ZNF141: variants seen among roughly 807,000 people sequenced by gnomAD.
ZNF141 encodes the protein zinc finger protein 141 (clone pHZ-44).
In ZNF141, 7 loss-of-function variants were observed where a neutral mutation model predicts 11.3. The ratio of observed to expected loss-of-function variants is 0.62; its 90% confidence interval spans 0.35 to 1.16. The LOEUF is 1.16. Ranked by LOEUF, ZNF141 falls within the 50% of genes most tolerant of loss-of-function variation. The probability of loss-of-function intolerance (pLI) is 0.02; values close to 1 mark genes in which losing one functional copy is unlikely to be tolerated. For synonymous variants in ZNF141, 183 were observed against 190.7 expected (o/e 0.96, Z 0.33); for missense variants, 535 against 554.0 (o/e 0.97, Z 0.34).
intron 3 of ZNF141, chr4:350,108 A>G (rs781790104): frequency 1.9e-6 from 1 of 532,576 alleles, no homozygotes; most frequent in East Asian, 5.5e-5. Flanking sequence ...CCACGTCTGG[A>G]CTGTAGCTGA....
chr4:344,465 A>C, intron 3 of ZNF141, 35 bp downstream of exon 3: 2 of 1,560,894 alleles, frequency 1.3e-6, no homozygotes, highest in Non-Finnish European at 1.7e-6. Flanking sequence ...GGGCACAGGC[A>C]AGGGGACCAA....
At chr4:358,012 C>A (rs1721927918) in intron 3 of ZNF141, among the ~76,000 whole-genome samples, 1 of 151,812 alleles carries the variant, frequency 6.6e-6, no homozygotes, top group African/African-American at 2.4e-5. Context: ...AGCCACCATG[C>A]CTGGCCTCAT....
At chr4:358,712 A>G (rs909807618) in intron 3 of ZNF141, among the ~76,000 whole-genome samples, 2 of 150,592 alleles carry the variant, frequency 1.3e-5, no homozygotes, top group South Asian at 2.1e-4. Flanking sequence ...CAAGTAGCTA[A>G]GATTACAGGA....
At chr4:367,399 A>G (rs567323643) in intron 3 of ZNF141, among the ~76,000 whole-genome samples, 5 of 152,258 alleles carry the variant, frequency 3.3e-5, no homozygotes, top group East Asian at 1.9e-4. Context: ...TTGTAAATCT[A>G]TATTTGTGTG....
At chr4:352,244 G>A (rs1289734258) in intron 3 of ZNF141, among the ~76,000 whole-genome samples, 4 of 152,062 alleles carry the variant, frequency 2.6e-5, no homozygotes, top group Admixed American at 6.6e-5. Context: ...AAAATTAGCC[G>A]GGCGTGGTGG....
At chr4:354,984 T>G (rs1721776402) in intron 3 of ZNF141, among the ~76,000 whole-genome samples, 1 of 152,068 alleles carries the variant, frequency 6.6e-6, no homozygotes, top group Non-Finnish European at 1.5e-5. Context: ...GAGTGTTCCA[T>G]GTGTGTTTGA....
chr4:371,514 G>A (rs971413559), intron 3 of ZNF141, among the ~76,000 whole-genome samples: 2 of 150,644 alleles, frequency 1.3e-5, no homozygotes, highest in Non-Finnish European at 2.9e-5. Flanking sequence ...ACAGGCATGA[G>A]CCACCATGCC....
Position 369,752 on chromosome 4 carries a change from A to G in ZNF141, c.227-2912A>G, listed in dbSNP as rs1398341094. 2.2e-4 allele frequency among the ~76,000 whole-genome samples: 8 copies of G among 36,666 alleles called. No homozygotes were observed. The East Asian group carries it at 4.1e-3, about 19-fold the overall frequency. The allele number at this position is 36,666 out of a possible 152,430, so 24.1% of individuals were successfully genotyped here. On this transcript the variant is annotated intron_variant, in intron 3 of 3. Transcript: ENST00000240499. ...TTCTTAAAGAGATATATATATATAT[A>G]TATATATATATATTTTTTTTTTTTT... is the stretch of plus-strand genomic sequence containing the variant.
In ZNF141 at chr4:376,802, T is replaced by C. The variant is rs1231050960; in HGVS notation, c.*2940T>C. Among the ~76,000 whole-genome samples the C allele has an allele frequency of 6.6e-6, 1 of 152,110 alleles. No individual in the cohort carries two copies. Among genetic ancestry groups the C allele is most frequent in the East Asian group, 1.9e-4 (1 of 5,198 alleles). ...TACCATGGATAATTTACTGGAAATC[T>C]AGAAGCCTGAAACATTCTATATTTT... On this transcript the variant is annotated 3_prime_UTR_variant, in exon 4 of 4. Transcript: ENST00000240499.
chr4:344,475 A>G, intron 3 of ZNF141, 45 bp downstream of exon 3: 1 of 1,531,716 alleles, frequency 6.5e-7, no homozygotes, highest in South Asian at 1.1e-5. Flanking sequence ...AAGGGGACCA[A>G]AGGTCAAGAA....
In ZNF141 at chr4:381,308, T is replaced by C. The variant is rs114997160; in HGVS notation, c.*7446T>C. ...AACTTTAAATTTATCTCTAGGAACC[T>C]CAGCCGAGCAGTCAGAACTCACAGC... On this transcript the variant is annotated 3_prime_UTR_variant, in exon 4 of 4. Transcript: ENST00000240499. Among the ~76,000 whole-genome samples, 1,989 of 151,106 alleles carry C rather than the reference T, an allele frequency of 0.013. 15 individuals carry two copies. The highest frequency in any genetic ancestry group is 0.021 in the Non-Finnish European group (1,403 of 67,806).
chr4:343,238 T>C (rs1688581037), intron 1 of ZNF141, among the ~76,000 whole-genome samples: 1 of 152,078 alleles, frequency 6.6e-6, no homozygotes, highest in African/African-American at 2.4e-5. Flanking sequence ...TTGATTTTGG[T>C]AGGGGAAGGT....
At chr4:366,080 A>G (rs757242294) in intron 3 of ZNF141, among the ~76,000 whole-genome samples, 1 of 151,952 alleles carries the variant, frequency 6.6e-6, no homozygotes, top group Non-Finnish European at 1.5e-5. Context: ...CTCCAGCTTG[A>G]TTCTTTTTGC....
At position 373,852 on chromosome 4, in the gene ZNF141, T is replaced by C. The variant is rs1712221499; in HGVS notation, c.1415T>C (p.Ile472Thr). Reference sequence around the variant, plus strand: ...TCACACCTGAATAAACATAAGAAAATTCATACTTGAGAGAAATCCTACAAA... The same window carrying C: ...TCACACCTGAATAAACATAAGAAAACTCATACTTGAGAGAAATCCTACAAA... Reference protein sequence around the residue: ...RFSHLNKHKKIHT With the variant: ...RFSHLNKHKKTHT The change falls in exon 4 of 4, where the codon ATT becomes ACT. Residue 472 changes from isoleucine (I) to threonine (T), a missense_variant. Coordinates refer to ENST00000240499, the MANE Select transcript of ZNF141 (RefSeq NM_003441.4). The C allele has an allele frequency of 6.2e-7, 1 of 1,601,088 alleles. No homozygotes were observed. The highest frequency in any genetic ancestry group is 1.4e-5 in the African/African-American group (1 of 74,016).
chr4:342,932 C>T, intron 1 of ZNF141: 1 of 1,549,400 alleles, frequency 6.5e-7, no homozygotes, highest in South Asian at 1.1e-5. Context: ...TCAGGATCTA[C>T]TTCAATTATC....
chr4:379,725 TACTC>T lies in ZNF141; in HGVS notation c.*5865_*5868del, dbSNP rs1438591472. On this transcript the variant is annotated 3_prime_UTR_variant, in exon 4 of 4. Coordinates refer to ENST00000240499, the MANE Select transcript of ZNF141 (RefSeq NM_003441.4). ...CACAAAAACTATATATTTTTTATAATACTCAAGTTGTTTGACAAAGATACTCATC... is the reference window on the plus strand; with the variant it reads ...CACAAAAACTATATATTTTTTATAATAAGTTGTTTGACAAAGATACTCATC... 6.6e-6 allele frequency among the ~76,000 whole-genome samples: 1 copy of T among 152,226 alleles called. No homozygotes were observed. Among genetic ancestry groups the T allele is most frequent in the African/African-American group, 2.4e-5 (1 of 41,458 alleles).
intron 3 of ZNF141, among the ~76,000 whole-genome samples, chr4:367,105 C>G (rs1711780457): frequency 6.6e-6 from 1 of 152,190 alleles, no homozygotes; most frequent in Non-Finnish European, 1.5e-5. Context: ...TGATATCATA[C>G]TGGATAGGAA....
chr4:350,211 G>A (rs782499258), intron 3 of ZNF141: 23 of 534,550 alleles, frequency 4.3e-5, no homozygotes, highest in Admixed American at 1.9e-5. Context: ...CATGTCTATG[G>A]GCTCTTGAGT....
Position 355,406 on chromosome 4 carries a change from A to G in ZNF141, c.226+10976A>G, listed in dbSNP as rs568411096. ...TTTTTAGTAGAGACAGGGTTTCACCATGTTGGCCAGGCTGGTCTCGAACTC... is the reference window on the plus strand; with the variant it reads ...TTTTTAGTAGAGACAGGGTTTCACCGTGTTGGCCAGGCTGGTCTCGAACTC... On this transcript the variant is annotated intron_variant, in intron 3 of 3. Transcript: ENST00000240499. Among the ~76,000 whole-genome samples, 40 of 152,154 alleles carry G rather than the reference A, an allele frequency of 2.6e-4. No homozygotes were observed. In the South Asian group the frequency reaches 6.6e-3, roughly 25 times the overall value.
Sources: allele counts gnomAD v4.1 joint callset (sites outside exome capture counted in the v4.1 genomes callset), GRCh38; gene constraint gnomAD v4.1.1; transcripts MANE v1.5; gene names NCBI Gene and HGNC (gene_info 2026-07-23, HGNC 2026-07-21).